RBSN: variants seen among roughly 807,000 people sequenced by gnomAD.
The protein encoded by RBSN is rabenosyn, RAB effector.
In RBSN, 34 loss-of-function variants were observed where a neutral mutation model predicts 60.5. The observed-to-expected ratio is 0.56, with a 90% CI of 0.43 to 0.75. The LOEUF is 0.75. Ranked by LOEUF, RBSN falls within the 30% of genes least tolerant of loss-of-function variation. The probability of loss-of-function intolerance (pLI) is 0.00; values close to 1 mark genes in which losing one functional copy is unlikely to be tolerated. For missense variants in RBSN, 845 were observed against 986.8 expected, an observed-to-expected ratio of 0.86 and a Z score of 1.92; for synonymous variants, 322 against 366.9, an observed-to-expected ratio of 0.88 and a Z score of 1.40.
intron 8 of RBSN, among the ~76,000 whole-genome samples, chr3:15,083,683 C>T (rs910971500): frequency 4.6e-5 from 7 of 152,214 alleles, no homozygotes; most frequent in African/African-American, 1.7e-4. Flanking sequence ...CACCTCCCAG[C>T]CCTAAGCATG....
chr3:15,097,722 C>G (rs933133471), intron 2 of RBSN, among the ~76,000 whole-genome samples: 1 of 152,030 alleles, frequency 6.6e-6, no homozygotes, highest in African/African-American at 2.4e-5. Context: ...CCTGGGGATA[C>G]AAGCCACAGT....
intron 13 of RBSN, chr3:15,075,334 A>G (rs1575085043): frequency 1.6e-6 from 1 of 639,404 alleles, no homozygotes; most frequent in African/African-American, 1.8e-5. Context: ...GTCCTCTGCA[A>G]CTCCTGCCAT....
At chr3:15,092,844 C>T (rs909671462) in intron 4 of RBSN, among the ~76,000 whole-genome samples, 1 of 152,150 alleles carries the variant, frequency 6.6e-6, no homozygotes, top group Non-Finnish European at 1.5e-5. Flanking sequence ...GTTAAACAGG[C>T]AATCTATACC....
intron 4 of RBSN, chr3:15,091,326 T>C: frequency 9.6e-7 from 1 of 1,039,084 alleles, no homozygotes; most frequent in South Asian, 3.1e-5. Flanking sequence ...ATGAGTAAAT[T>C]CTTCTCATTT....
chr3:15,091,209 T>TAAAAAAA (rs2043505281), intron 4 of RBSN: 2 of 41,134 alleles, frequency 4.9e-5, no homozygotes, highest in Admixed American at 1.7e-3. Flanking sequence ...AGACCCTGTC[T>TAAAAAAA]CAAAAAAAAA....
rs760502637 is a variant in RBSN at position 15,090,572 on chromosome 3, C to T, written c.149-33G>A. On this transcript the variant is annotated intron_variant, in intron 4 of 13. Transcript: ENST00000253699. ...AATGGAACAAATAATACAAATGAGC[C>T]ATGAAGAACACCCAGTAAACAGTCA... is the stretch of plus-strand genomic sequence containing the variant. 3.1e-6 allele frequency: 5 copies of T among 1,607,544 alleles called. No individual in the cohort carries two copies. The South Asian group carries it at 4.5e-5, about 14-fold the overall frequency.
At chr3:15,078,776 ATAC>A (rs1379779325) in intron 10 of RBSN, among the ~76,000 whole-genome samples, 48 of 56,260 alleles carry the variant, frequency 8.5e-4, no homozygotes, top group African/African-American at 1.0e-3. Context: ...AAAAAAAAAA[ATAC>A]ATATATATAT....
intron 10 of RBSN, among the ~76,000 whole-genome samples, chr3:15,080,072 G>A (rs1180033854): frequency 2.0e-5 from 3 of 151,978 alleles, no homozygotes; most frequent in African/African-American, 7.2e-5. Flanking sequence ...GTGAAACCCC[G>A]TCTCTACTAA....
rs2043326273 is a variant in RBSN, at chr3:15,085,924, G to C, written c.327C>G (p.His109Gln). 1 of 1,613,970 alleles carries C rather than the reference G, an allele frequency of 6.2e-7. No individual in the cohort carries two copies. The highest frequency in any genetic ancestry group is 1.1e-5 in the South Asian group (1 of 91,070). The stretch of plus-strand genomic sequence containing the variant: ...CATAGTGGTCAATTCTAGCAGCTCG[G>C]TGTTTTTTGAAGTCGGAAAGATGGC... ...VRSHLSDFKK[H>Q]RAARIDHYVV... The change falls in exon 6 of 14, where the codon CAC becomes CAG. Residue 109 changes from histidine to glutamine, a missense_variant. By Grantham distance (24) the His-to-Gln change is conservative. Transcript: ENST00000253699.
In RBSN at chr3:15,084,960, A is replaced by G; in HGVS notation, c.436+40T>C. The G allele has an allele frequency of 6.2e-7, 1 of 1,614,106 alleles. No homozygotes were observed. The highest frequency in any genetic ancestry group is 8.5e-7 in the Non-Finnish European group (1 of 1,179,984). On this transcript the variant is annotated intron_variant, in intron 7 of 13. Coordinates refer to ENST00000253699, the MANE Select transcript of RBSN (RefSeq NM_022340.4). This position sits in a 1 kb window ranked among gnomAD's most constrained non-coding sequence, Gnocchi z 4.2. ...TAAAGAGAGCTTTGGTCAGGGAAAA[A>G]AAGATAATAAGATGAATGTGAGCAA...
rs762060370 is a variant in RBSN at position 15,073,906 on chromosome 3, T to C, written c.2231A>G (p.Asp744Gly). 4 of 1,614,020 alleles carry C rather than the reference T, an allele frequency of 2.5e-6. No homozygotes were observed. Among genetic ancestry groups the C allele is most frequent in the East Asian group, 4.5e-5 (2 of 44,888 alleles). ...ATCAAAGATGTATGCCTTGATGTTATCGATCTGCTGCAGGAGGAGCTCTTC... is the reference window on the plus strand; with the variant it reads ...ATCAAAGATGTATGCCTTGATGTTACCGATCTGCTGCAGGAGGAGCTCTTC... ...IEEELLLQQIDNIKAYIFDAK... is the reference protein window; with the variant it reads ...IEEELLLQQIGNIKAYIFDAK... Residue 744 changes from aspartate to glycine, a missense_variant, in exon 14 of 14, where the codon GAT becomes GGT. Coordinates refer to ENST00000253699, the MANE Select transcript of RBSN (RefSeq NM_022340.4).
chr3:15,074,764 G>A lies in RBSN; in HGVS notation c.1373C>T (p.Pro458Leu), dbSNP rs1429604663. Residue 458 changes from proline (P) to leucine (L), a missense_variant, in exon 14 of 14, where the codon CCG (proline) becomes CTG (leucine). Coordinates refer to ENST00000253699, the MANE Select transcript of RBSN (RefSeq NM_022340.4). This position sits in a 1 kb window ranked among gnomAD's most constrained non-coding sequence, Gnocchi z 6.4. ...GATGTTGTGGATCTGCTGGAGGAGCGGGTCTGAGTCCTCACTCTGCCCCTG... is the reference window on the plus strand; with the variant it reads ...GATGTTGTGGATCTGCTGGAGGAGCAGGTCTGAGTCCTCACTCTGCCCCTG... ...GGQGQSEDSD[P>L]LLQQIHNITS... 5.6e-6 allele frequency: 9 copies of A among 1,614,128 alleles called. No individual in the cohort carries two copies. The highest frequency in any genetic ancestry group is 3.3e-5 in the Admixed American group (2 of 60,016).
At chr3:15,091,601 A>T (rs2125181551) in intron 4 of RBSN, 1 of 716,354 alleles carries the variant, frequency 1.4e-6, no homozygotes, top group East Asian at 8.3e-5. Context: ...TTGCAAATAC[A>T]TTATGCCAGT....
intron 4 of RBSN, among the ~76,000 whole-genome samples, chr3:15,091,866 A>C (rs2043525449): frequency 6.6e-6 from 1 of 152,222 alleles, no homozygotes; most frequent in African/African-American, 2.4e-5. Context: ...TAAACTGAAC[A>C]ATCAGCTGGT....
In RBSN at chr3:15,082,416, T is replaced by A. The variant is rs746541228; in HGVS notation, c.791A>T (p.Gln264Leu). 6.2e-7 allele frequency: 1 copy of A among 1,614,058 alleles called. No homozygotes were observed. The highest frequency in any genetic ancestry group is 1.7e-5 in the Admixed American group (1 of 60,012). The change falls in exon 9 of 14, where the codon CAG becomes CTG. Residue 264 changes from glutamine to leucine, a missense_variant. Transcript: ENST00000253699. This position sits in a 1 kb window ranked among gnomAD's most constrained non-coding sequence, Gnocchi z 4.2. ...TGTGTGCTCCTTCTCATCAATCTGCTGCTCTCTCTTGAGCAGCGTGTCCTT... is the reference window on the plus strand; with the variant it reads ...TGTGTGCTCCTTCTCATCAATCTGCAGCTCTCTCTTGAGCAGCGTGTCCTT... ...HCKDTLLKRE[Q>L]QIDEKEHTPD... is the part of the protein sequence containing the mutation.
In RBSN at chr3:15,071,848, G is replaced by A. The variant is rs1005557510; in HGVS notation, c.*1934C>T. 6.6e-6 allele frequency: 1 copy of A among 152,646 alleles called. No individual in the cohort carries two copies. Among genetic ancestry groups the A allele is most frequent in the African/African-American group, 2.4e-5 (1 of 41,450 alleles). The allele number at this position is 152,646 out of a possible 1,614,324, so 9.5% of individuals were successfully genotyped here. A position where few individuals can be genotyped will look rare whatever the true frequency, so the allele number is the denominator to read the frequency against. On this transcript the variant is annotated 3_prime_UTR_variant, in exon 14 of 14. Coordinates refer to ENST00000253699, the MANE Select transcript of RBSN (RefSeq NM_022340.4). The stretch of plus-strand genomic sequence containing the variant: ...GTTACACGGCATAAAGTGACTAGTG[G>A]TCAGTTATTGTTCATTAGTTCAGAT...
Position 15,082,426 on chromosome 3 carries a change from T to C in RBSN, c.781A>G (p.Lys261Glu). Residue 261 changes from lysine to glutamate, a missense_variant, in exon 9 of 14, where the codon AAG (lysine) becomes GAG (glutamate). Physicochemically the swap from Lys to Glu is moderately conservative, Grantham distance 56. Coordinates refer to ENST00000253699, the MANE Select transcript of RBSN (RefSeq NM_022340.4). The surrounding 1 kb of genome is among the most constrained non-coding windows in gnomAD (Gnocchi z 4.2). ...TTCTCATCAATCTGCTGCTCTCTCT[T>C]GAGCAGCGTGTCCTTGCAGTGTGTA... ...CCTHCKDTLL[K>E]REQQIDEKEH... 6.2e-7 allele frequency: 1 copy of C among 1,614,150 alleles called. No individual in the cohort carries two copies.
chr3:15,076,248 G>A (rs984027833), intron 12 of RBSN, among the ~76,000 whole-genome samples: 5 of 152,104 alleles, frequency 3.3e-5, no homozygotes, highest in Non-Finnish European at 4.4e-5. Flanking sequence ...AAGTGAGGAA[G>A]GGCCTACTTC....
intron 5 of RBSN, among the ~76,000 whole-genome samples, chr3:15,089,674 G>A (rs1327741617): frequency 1.3e-5 from 2 of 150,748 alleles, no homozygotes; most frequent in African/African-American, 4.9e-5. Flanking sequence ...GCAGTGGCAC[G>A]ATCTCAGCTC....
Sources: allele counts gnomAD v4.1 joint callset (sites outside exome capture counted in the v4.1 genomes callset), GRCh38; gene constraint gnomAD v4.1.1; non-coding constraint Gnocchi (gnomAD v3.1); transcripts MANE v1.5; gene names NCBI Gene and HGNC (gene_info 2026-07-23, HGNC 2026-07-21).